Variants in GRID2 observed in about 807,000 individuals in gnomAD.
The protein encoded by GRID2 is glutamate ionotropic receptor delta type subunit 2, also known as glutamate receptor ionotropic, delta-2.
Under a neutral mutation model 114.8 loss-of-function variants are expected in GRID2, and 33 were observed. That is an observed-to-expected ratio of 0.29 (90% CI 0.22 to 0.38). GRID2 has a LOEUF of 0.38. Among genes scored for constraint, GRID2 ranks in the 10% least tolerant of loss-of-function variants. The probability of loss-of-function intolerance (pLI) is 1.00; values close to 1 mark genes in which losing one functional copy is unlikely to be tolerated. For missense variants in GRID2, 1,184 were observed against 1,257.7 expected (o/e 0.94, Z 0.89); for synonymous variants, 505 against 449.9 (o/e 1.12, Z -1.55).
downstream of GRID2, among the ~76,000 whole-genome samples, chr4:93,778,027 A>T (rs192134042): frequency 2.0e-5 from 3 of 151,698 alleles, no homozygotes; most frequent in Non-Finnish European, 4.4e-5. Context: ...TTTGAAAAAT[A>T]AACAAATACA....
chr4:92,339,834 T>G (rs1727383549), intron 1 of GRID2, among the ~76,000 whole-genome samples: 1 of 152,216 alleles, frequency 6.6e-6, no homozygotes, highest in Non-Finnish European at 1.5e-5. Context: ...TGCCAAGTTA[T>G]TCTACATGAG....
chr4:93,568,043 A>G (rs905319540), intron 13 of GRID2, among the ~76,000 whole-genome samples: 1 of 152,156 alleles, frequency 6.6e-6, no homozygotes, highest in Non-Finnish European at 1.5e-5. Flanking sequence ...CCTAAAAGTC[A>G]GTCAGACACA....
chr4:92,780,394 G>C (rs574122318), intron 2 of GRID2, among the ~76,000 whole-genome samples: 1 of 152,182 alleles, frequency 6.6e-6, no homozygotes, highest in Non-Finnish European at 1.5e-5. Flanking sequence ...TTTAAAGCCA[G>C]CTAAAGAAAT....
At chr4:92,494,946 A>G (rs1723317332) in intron 1 of GRID2, among the ~76,000 whole-genome samples, 3 of 152,058 alleles carry the variant, frequency 2.0e-5, no homozygotes, top group Admixed American at 2.0e-4. Flanking sequence ...AATTTCTATT[A>G]CATTTTATAT....
intron 2 of GRID2, among the ~76,000 whole-genome samples, chr4:92,632,049 C>G (rs759176879): frequency 2.0e-5 from 3 of 152,062 alleles, no homozygotes; most frequent in Non-Finnish European, 4.4e-5. Context: ...TTTGTTCTGT[C>G]TAAAATATAT....
chr4:93,309,856 G>A (rs1382386886), intron 8 of GRID2, among the ~76,000 whole-genome samples: 1 of 152,092 alleles, frequency 6.6e-6, no homozygotes, highest in East Asian at 1.9e-4. Context: ...CCCTTATGAG[G>A]AAGAGAATTT....
chr4:93,014,852 G>T (rs557331817), intron 2 of GRID2, among the ~76,000 whole-genome samples: 3 of 152,048 alleles, frequency 2.0e-5, no homozygotes, highest in Non-Finnish European at 4.4e-5. Context: ...AGAACTGTAC[G>T]TTGCTCAAGG....
chr4:92,960,391 C>T (rs1412466041), intron 2 of GRID2, among the ~76,000 whole-genome samples: 1 of 151,922 alleles, frequency 6.6e-6, no homozygotes, highest in East Asian at 1.9e-4. Context: ...GCAGGTTTAT[C>T]TATTTCTTCT....
At chr4:93,040,118 A>C (rs1725358075) in intron 2 of GRID2, among the ~76,000 whole-genome samples, 1 of 152,094 alleles carries the variant, frequency 6.6e-6, no homozygotes. Context: ...TGTTCTTTTA[A>C]AATTCAGGAA....
chr4:92,486,547 T>TCACACACACACACACA (rs72216440), intron 1 of GRID2, among the ~76,000 whole-genome samples: 3 of 137,074 alleles, frequency 2.2e-5, no homozygotes, highest in Admixed American at 7.5e-5. Flanking sequence ...TCTCTCTCTT[T>TCACACACACACACACA]CACACACACA....
intron 1 of GRID2, among the ~76,000 whole-genome samples, chr4:92,561,829 A>G (rs1727117478): frequency 6.6e-6 from 1 of 152,166 alleles, no homozygotes; most frequent in Admixed American, 6.6e-5. Flanking sequence ...GAGTATATTC[A>G]ATCTCAGTTA....
chr4:93,690,217 T>C (rs1235608189), intron 14 of GRID2, among the ~76,000 whole-genome samples: 1 of 151,958 alleles, frequency 6.6e-6, no homozygotes, highest in Non-Finnish European at 1.5e-5. Flanking sequence ...GAAACAACCT[T>C]GTGGGGGTAC....
intron 1 of GRID2, among the ~76,000 whole-genome samples, chr4:92,486,551 AC>A (rs1722899166): frequency 1.4e-5 from 1 of 72,032 alleles, no homozygotes; most frequent in Non-Finnish European, 2.9e-5. Flanking sequence ...TCTCTTTCAC[AC>A]ACACACACAC....
At chr4:93,276,125 T>G (rs1188352240) in intron 8 of GRID2, among the ~76,000 whole-genome samples, 1 of 151,996 alleles carries the variant, frequency 6.6e-6, no homozygotes, top group Admixed American at 6.6e-5. Flanking sequence ...AGTTAATTTT[T>G]GTATGTGATA....
chr4:92,560,265 T>G (rs1413121083), intron 1 of GRID2, among the ~76,000 whole-genome samples: 1 of 152,188 alleles, frequency 6.6e-6, no homozygotes, highest in Non-Finnish European at 1.5e-5. Context: ...GCTTTTGAGA[T>G]AGCCTCCCAT....
intron 8 of GRID2, among the ~76,000 whole-genome samples, chr4:93,342,634 G>A (rs1350369265): frequency 1.3e-5 from 2 of 152,076 alleles, no homozygotes; most frequent in East Asian, 1.9e-4. Context: ...AGAGGAATAG[G>A]CACTAAAATG....
At chr4:93,134,347 T>A (rs904505543) in intron 4 of GRID2, among the ~76,000 whole-genome samples, 7 of 152,134 alleles carry the variant, frequency 4.6e-5, no homozygotes, top group Non-Finnish European at 1.0e-4. Context: ...GTACCATGGC[T>A]TTGAATTGCG....
In GRID2 at chr4:93,403,567, C is replaced by A. The variant is rs529335042; in HGVS notation, c.1347+7859C>A. 5.3e-5 allele frequency among the ~76,000 whole-genome samples: 8 copies of A among 152,056 alleles called. No homozygotes were observed. The South Asian group carries it at 1.7e-3, about 32-fold the overall frequency. On this transcript the variant is annotated intron_variant, in intron 9 of 15. Coordinates refer to ENST00000282020, the MANE Select transcript of GRID2 (RefSeq NM_001510.4). ...AAAAAAAATTAAAATGGGCAAAGAT[C>A]TGAACAGTTCTGCAATGAAGATATA...
At chr4:92,427,173 A>G (rs1732201638) in intron 1 of GRID2, among the ~76,000 whole-genome samples, 1 of 152,208 alleles carries the variant, frequency 6.6e-6, no homozygotes, top group African/African-American at 2.4e-5. Flanking sequence ...TCCAAATAAT[A>G]CATACATTTT....
Sources: allele counts gnomAD v4.1 joint callset (sites outside exome capture counted in the v4.1 genomes callset), GRCh38; gene constraint gnomAD v4.1.1; transcripts MANE v1.5; gene names NCBI Gene and HGNC (gene_info 2026-07-23, HGNC 2026-07-21).